DHX15: variants seen among roughly 807,000 people sequenced by gnomAD.
The protein encoded by DHX15 is ATP-dependent RNA helicase DHX15.
A neutral mutation model predicts 94.4 loss-of-function variants in DHX15; 11 were observed. That is an observed-to-expected ratio of 0.12 (90% CI 0.07 to 0.19). DHX15 has a LOEUF of 0.19. Among genes scored for constraint, DHX15 ranks in the 10% least tolerant of loss-of-function variants. The probability of loss-of-function intolerance (pLI) is 1.00; values close to 1 mark genes in which losing one functional copy is unlikely to be tolerated. For missense variants in DHX15, 304 were observed against 988.5 expected (o/e 0.31, Z 9.29); for synonymous variants, 338 against 329.9 (o/e 1.02, Z -0.27).
intron 1 of DHX15, among the ~76,000 whole-genome samples, chr4:24,581,623 A>G (rs1722417817): frequency 6.6e-6 from 1 of 152,010 alleles, no homozygotes; most frequent in African/African-American, 2.4e-5. Context: ...TGTAGTGAAA[A>G]TGTGCATGCT....
intron 5 of DHX15, among the ~76,000 whole-genome samples, chr4:24,552,603 C>T (rs959484000): frequency 4.6e-5 from 7 of 152,074 alleles, no homozygotes; most frequent in African/African-American, 1.7e-4. Context: ...TTTAACTTAC[C>T]AAGTAAAAAT....
chr4:24,563,493 AAAG>A (rs1318304172), intron 3 of DHX15: 9 of 152,208 alleles, frequency 5.9e-5, no homozygotes, highest in African/African-American at 2.2e-4. Context: ...CATGCAGCCA[AAAG>A]AAGATTAAAC....
chr4:24,557,694 T>A (rs1163573976), intron 3 of DHX15, among the ~76,000 whole-genome samples: 1 of 152,182 alleles, frequency 6.6e-6, no homozygotes, highest in Non-Finnish European at 1.5e-5. Context: ...AAGGTTATTT[T>A]ATGTAAGACC....
In DHX15 at chr4:24,527,656, G is replaced by C. The variant is rs1720989308; in HGVS notation, c.*268C>G. 1 of 314,936 alleles carries C rather than the reference G, an allele frequency of 3.2e-6. No homozygotes were observed. Among genetic ancestry groups the C allele is most frequent in the Admixed American group, 4.5e-5 (1 of 22,402 alleles). The allele number at this position is 314,936 out of a possible 1,614,324, so 19.5% of individuals were successfully genotyped here. A position where few individuals can be genotyped will look rare whatever the true frequency, so the allele number is the denominator to read the frequency against. On this transcript the variant is annotated 3_prime_UTR_variant, in exon 14 of 14. Coordinates refer to ENST00000336812, the MANE Select transcript of DHX15 (RefSeq NM_001358.3). Reference sequence around the variant, plus strand: ...CATTTTCAACCATTTCTAAAGAAATGCTTATAACATTGTTATATATAGAAC... The same window carrying C: ...CATTTTCAACCATTTCTAAAGAAATCCTTATAACATTGTTATATATAGAAC...
chr4:24,573,255 C>T (rs1722165996), intron 2 of DHX15, among the ~76,000 whole-genome samples: 1 of 152,206 alleles, frequency 6.6e-6, no homozygotes, highest in African/African-American at 2.4e-5. Context: ...CAGCTCTTTG[C>T]TTCCTCCACT....
At chr4:24,571,592 T>G (rs1345113720) in intron 2 of DHX15, among the ~76,000 whole-genome samples, 2 of 152,208 alleles carry the variant, frequency 1.3e-5, no homozygotes, top group Non-Finnish European at 2.9e-5. Context: ...GTCACTTAAC[T>G]GGAAAAGAAC....
At chr4:24,547,897 G>GTATATA (rs869284515) in intron 6 of DHX15, among the ~76,000 whole-genome samples, 1 of 55,770 alleles carries the variant, frequency 1.8e-5, no homozygotes. Flanking sequence ...CTCTATGTAT[G>GTATATA]TATGTGTATA....
intron 12 of DHX15, among the ~76,000 whole-genome samples, chr4:24,531,528 C>T (rs906469355): frequency 1.3e-5 from 2 of 151,222 alleles, no homozygotes; most frequent in East Asian, 2.0e-4. Context: ...GCCTGGGCAA[C>T]GTGGCGAGGC....
rs1470445595 is a variant in DHX15 at position 24,576,334 on chromosome 4, A to G, written c.416T>C (p.Val139Ala). ...DILKKRLQLP[V>A]WEYKDRFTDI... ...TGTAAACCTATCCTTGTATTCCCAA[A>G]CAGGGAGCTGAAGACGTTTCTTTAG... The change falls in exon 2 of 14, where the codon GTT becomes GCT. Residue 139 changes from valine to alanine, a missense_variant. Val to Ala is a moderately conservative substitution (Grantham distance 64). Around this residue, in one of 9 missense-constraint regions of DHX15, gnomAD observed 143 missense variants for 200.5 expected, o/e 0.71. Transcript: ENST00000336812. 1 of 1,614,232 alleles carries G rather than the reference A, an allele frequency of 6.2e-7. No homozygotes were observed. Among genetic ancestry groups the G allele is most frequent in the Non-Finnish European group, 8.5e-7 (1 of 1,180,042 alleles).
At chr4:24,579,955 G>A (rs865900555) in intron 1 of DHX15, among the ~76,000 whole-genome samples, 2 of 152,224 alleles carry the variant, frequency 1.3e-5, no homozygotes, top group African/African-American at 4.8e-5. Context: ...TAGTAGAGAC[G>A]AGGTTTCACC....
intron 3 of DHX15, among the ~76,000 whole-genome samples, chr4:24,561,506 T>C (rs1375900891): frequency 6.6e-6 from 1 of 152,166 alleles, no homozygotes; most frequent in African/African-American, 2.4e-5. Context: ...CCTGTGTATA[T>C]TCACTGCAGT....
At chr4:24,549,913 G>C (rs957121188) in intron 5 of DHX15, among the ~76,000 whole-genome samples, 3 of 151,790 alleles carry the variant, frequency 2.0e-5, no homozygotes, top group Non-Finnish European at 4.4e-5. Context: ...GACCAACATG[G>C]AGAAACCCCG....
At chr4:24,573,347 T>G (rs1269333402) in intron 2 of DHX15, among the ~76,000 whole-genome samples, 1 of 152,224 alleles carries the variant, frequency 6.6e-6, no homozygotes, top group Non-Finnish European at 1.5e-5. Context: ...ATGTTCTAAC[T>G]TCTAATACTA....
At chr4:24,561,641 G>C (rs749637789) in intron 3 of DHX15, among the ~76,000 whole-genome samples, 29 of 152,132 alleles carry the variant, frequency 1.9e-4, no homozygotes, top group Non-Finnish European at 4.1e-4. Context: ...TCATGTTCTT[G>C]TGACAACATA....
intron 9 of DHX15, 36 bp downstream of exon 9, chr4:24,540,804 A>G: frequency 8.1e-7 from 1 of 1,236,790 alleles, no homozygotes; most frequent in Non-Finnish European, 1.2e-6. Context: ...ATTTTGGTTA[A>G]AAGATCTGAT....
chr4:24,562,440 G>C (rs1259111015), intron 3 of DHX15, among the ~76,000 whole-genome samples: 1 of 152,136 alleles, frequency 6.6e-6, no homozygotes, highest in South Asian at 2.1e-4. Context: ...ACAAAACTGG[G>C]TTTAAGTCCC....
intron 13 of DHX15, 40 bp from the exon 14 acceptor site, chr4:24,528,081 T>C: frequency 1.4e-6 from 2 of 1,391,072 alleles, no homozygotes; most frequent in Non-Finnish European, 2.0e-6. Context: ...AATTAACATT[T>C]AATTGAAGTA....
intron 2 of DHX15, among the ~76,000 whole-genome samples, chr4:24,573,613 T>G (rs558117296): frequency 1.3e-5 from 2 of 152,232 alleles, no homozygotes; most frequent in South Asian, 4.1e-4. Context: ...AGACAGGAGT[T>G]TTTTTAAAAA....
chr4:24,552,891 C>A (rs1721638386), intron 5 of DHX15, among the ~76,000 whole-genome samples: 1 of 152,188 alleles, frequency 6.6e-6, no homozygotes, highest in Non-Finnish European at 1.5e-5. Flanking sequence ...CTGTGGGATT[C>A]ACAGAAAATA....
Sources: gnomAD v4.1 joint callset for allele counts (sites outside exome capture counted in the v4.1 genomes callset) on GRCh38, gnomAD v4.1.1 for gene constraint, gnomAD v4.1.1 regional missense constraint, MANE v1.5 for transcripts, NCBI Gene and HGNC (gene_info 2026-07-23, HGNC 2026-07-21) for gene names.